FBXL18: variants seen among roughly 807,000 people sequenced by gnomAD.
The protein encoded by FBXL18 is F-box and leucine rich repeat protein 18.
A neutral mutation model predicts 46.0 loss-of-function variants in FBXL18; 36 were observed. That is an observed-to-expected ratio of 0.78 (90% CI 0.60 to 1.03). The LOEUF (loss-of-function observed/expected upper bound fraction) is 1.03, where lower values mean the gene tolerates loss of function less well. Ranked by LOEUF, FBXL18 falls within the 50% of genes least tolerant of loss-of-function variation. The pLI, the probability that FBXL18 is intolerant of heterozygous loss-of-function variation, is 0.00. For synonymous variants in FBXL18, 557 were observed against 465.3 expected (o/e 1.20, Z -2.54); for missense variants, 977 against 1,004.1 (o/e 0.97, Z 0.36).
chr7:5,463,716 A>ATTTT (rs1783292924), intron 4 of FBXL18, among the ~76,000 whole-genome samples: 2 of 61,418 alleles, frequency 3.3e-5, no homozygotes, highest in Non-Finnish European at 6.0e-5. Flanking sequence ...TTATTTATTT[A>ATTTT]TTTATTTATT....
chr7:5,490,692 C>T (rs1030093149), intron 4 of FBXL18, among the ~76,000 whole-genome samples: 4 of 152,214 alleles, frequency 2.6e-5, no homozygotes, highest in African/African-American at 9.6e-5. Context: ...AGGCTGGGTG[C>T]GGTGGCTCAT....
intron 1 of FBXL18, among the ~76,000 whole-genome samples, chr7:5,508,431 G>C (rs1183358091): frequency 7.2e-6 from 1 of 138,596 alleles, no homozygotes. Context: ...AACAGAGCGA[G>C]ACTTTGTCTA....
chr7:5,505,051 C>T (rs779079776), intron 2 of FBXL18, among the ~76,000 whole-genome samples: 110 of 151,766 alleles, frequency 7.2e-4, no homozygotes, highest in Non-Finnish European at 9.0e-4. Flanking sequence ...ATGGTGCCCT[C>T]CCACTGCACC....
rs1225839478 is a variant in FBXL18 at position 5,491,848 on chromosome 7, C to A, written c.1782-399G>T. On this transcript the variant is annotated intron_variant, in intron 3 of 4. Coordinates refer to ENST00000382368, the MANE Select transcript of FBXL18 (RefSeq NM_024963.6). ...AAGAGGACCCCACACATGGCCCCTGCCCTTGGGAAGCTCAGCTGGACAGGG... is the reference window on the plus strand; with the variant it reads ...AAGAGGACCCCACACATGGCCCCTGACCTTGGGAAGCTCAGCTGGACAGGG... Among the ~76,000 whole-genome samples the A allele has an allele frequency of 2.0e-5, 3 of 152,160 alleles. No homozygotes were observed. The East Asian group carries it at 5.8e-4, about 29-fold the overall frequency.
At chr7:5,507,303 C>T (rs889995106) in intron 1 of FBXL18, among the ~76,000 whole-genome samples, 2 of 152,122 alleles carry the variant, frequency 1.3e-5, no homozygotes, top group Non-Finnish European at 1.5e-5. Flanking sequence ...ACTCTGACTG[C>T]GACAGTCCTT....
intron 1 of FBXL18, among the ~76,000 whole-genome samples, chr7:5,512,976 G>A (rs1400156612): frequency 6.6e-6 from 1 of 152,136 alleles, no homozygotes; most frequent in Non-Finnish European, 1.5e-5. Context: ...CCTGAAAGGT[G>A]ACAGATACCA....
chr7:5,513,624 C>G (rs774795665), intron 1 of FBXL18, 33 bp downstream of exon 1: 12 of 1,611,640 alleles, frequency 7.4e-6, no homozygotes, highest in Non-Finnish European at 5.1e-6. Flanking sequence ...GCCGCCGAGG[C>G]AGAAGCAGAG....
chr7:5,467,249 G>C (rs1783355360), intron 4 of FBXL18, among the ~76,000 whole-genome samples: 1 of 152,158 alleles, frequency 6.6e-6, no homozygotes, highest in Admixed American at 6.6e-5. Context: ...TGCTCGGGAG[G>C]CTGAGGCAGA....
At position 5,490,835 on chromosome 7, in the gene FBXL18, T is replaced by G. The variant is rs28742950; in HGVS notation, c.2000+396A>C. ...AAAATACATGCTGGTGGCGCAGGCC[T>G]GTAATCCCAGCTACTCAGGAAGCCA... On this transcript the variant is annotated intron_variant, in intron 4 of 4. Transcript: ENST00000382368. Among the ~76,000 whole-genome samples the G allele has an allele frequency of 8.3e-3, 1,258 of 152,310 alleles. 15 individuals carry two copies. The highest frequency in any genetic ancestry group is 0.029 in the African/African-American group (1,189 of 41,568).
At chr7:5,483,309 C>T (rs1456661023) in intron 4 of FBXL18, among the ~76,000 whole-genome samples, 9 of 150,412 alleles carry the variant, frequency 6.0e-5, no homozygotes, top group Non-Finnish European at 8.9e-5. Context: ...GGCAGGATGG[C>T]GGGTGCCTGT....
At chr7:5,502,099 C>T (rs1784283332) in intron 2 of FBXL18, 68 bp from the exon 3 acceptor site, 1 of 1,103,480 alleles carries the variant, frequency 9.1e-7, no homozygotes, top group Non-Finnish European at 1.3e-6. Context: ...CTCCAACCCT[C>T]AGTGCGCACA....
chr7:5,480,603 G>C lies in FBXL18; in HGVS notation c.*1172C>G, dbSNP rs909433848. On this transcript the variant is annotated 3_prime_UTR_variant, in exon 5 of 5. Coordinates refer to ENST00000382368, the MANE Select transcript of FBXL18 (RefSeq NM_024963.6). ...TTTTGAGGCGGAGTCTCACCCTGTT[G>C]TCCAGGCTGGAGTGCAATGGTGTGA... 9.1e-5 allele frequency: 11 copies of C among 121,210 alleles called. No individual in the cohort carries two copies. Among genetic ancestry groups the C allele is most frequent in the Admixed American group, 4.4e-4 (4 of 9,106 alleles). The allele number at this position is 121,210 out of a possible 1,614,324, so 7.5% of individuals were successfully genotyped here. A position where few individuals can be genotyped will look rare whatever the true frequency, so the allele number is the denominator to read the frequency against.
At chr7:5,484,293 C>A (rs1411609694) in intron 4 of FBXL18, among the ~76,000 whole-genome samples, 2 of 151,918 alleles carry the variant, frequency 1.3e-5, no homozygotes, top group African/African-American at 4.8e-5. Context: ...CGGTGAAACC[C>A]CGTCTCTACT....
At chr7:5,474,686 T>TTTTTTTTATTTATTTA (rs1554317766), downstream of FBXL18, among the ~76,000 whole-genome samples, 17 of 39,458 alleles carry the variant, frequency 4.3e-4, no homozygotes, top group African/African-American at 1.7e-3. Flanking sequence ...GCACTTTATT[T>TTTTTTTTATTTATTTA]TTTATTTATT....
chr7:5,510,302 CAAA>C (rs757878539), intron 1 of FBXL18, among the ~76,000 whole-genome samples: 8 of 77,600 alleles, frequency 1.0e-4, no homozygotes, highest in East Asian at 4.2e-4. Context: ...GACTCTGTCT[CAAA>C]AAAAAAAAAA....
chr7:5,484,270 A>C (rs1276088410), intron 4 of FBXL18, among the ~76,000 whole-genome samples: 1 of 152,112 alleles, frequency 6.6e-6, no homozygotes, highest in Non-Finnish European at 1.5e-5. Context: ...GATCAAGACC[A>C]TCCTGGCTAA....
chr7:5,505,292 A>G (rs1784366125), intron 2 of FBXL18, 120 bp downstream of exon 2: 1 of 914,626 alleles, frequency 1.1e-6, no homozygotes, highest in South Asian at 1.6e-5. Context: ...GGCGCCAGTC[A>G]GGACTTGGAG....
At chr7:5,492,864 G>T (rs1783966687) in intron 3 of FBXL18, among the ~76,000 whole-genome samples, 1 of 152,130 alleles carries the variant, frequency 6.6e-6, no homozygotes, top group African/African-American at 2.4e-5. Flanking sequence ...CCTGCCCATA[G>T]CCTGATTTGG....
In FBXL18 at chr7:5,469,886, G is replaced by C. The variant is rs543792232; in HGVS notation, c.2000+21345C>G. ...AGCCTGAGTGTGAGTGTGCAGGTGT[G>C]TGTGCGAGGGCATGTGTGTGGGTGT... On this transcript the variant is annotated intron_variant and NMD_transcript_variant, in intron 4 of 6. Coordinates refer to the FBXL18 transcript ENST00000415009. Among the ~76,000 whole-genome samples the C allele has an allele frequency of 2.6e-5, 4 of 151,816 alleles. No individual in the cohort carries two copies. In the East Asian group the frequency reaches 7.8e-4, roughly 29 times the overall value.
Sources: allele counts gnomAD v4.1 joint callset (sites outside exome capture counted in the v4.1 genomes callset), GRCh38; gene constraint gnomAD v4.1.1; transcripts MANE v1.5; gene names NCBI Gene and HGNC (gene_info 2026-07-23, HGNC 2026-07-21).